Variants in NLRP4 observed in about 807,000 individuals in gnomAD.
NLRP4 encodes the protein NACHT, LRR and PYD domains-containing protein 4.
In NLRP4, 44 loss-of-function variants were observed where a neutral mutation model predicts 84.7. That is an observed-to-expected ratio of 0.52 (90% confidence interval 0.41 to 0.67). The LOEUF is 0.67. Ranked by LOEUF, NLRP4 falls within the 30% of genes least tolerant of loss-of-function variation. The pLI, the probability that NLRP4 is intolerant of heterozygous loss-of-function variation, is 0.00. For missense variants in NLRP4, 1,260 were observed against 1,219.4 expected (o/e 1.03, Z -0.50); for synonymous variants, 544 against 476.4 (o/e 1.14, Z -1.85).
intron 1 of NLRP4, among the ~76,000 whole-genome samples, chr19:55,850,091 G>A (rs1004604788): frequency 1.0e-4 from 15 of 145,408 alleles, no homozygotes; most frequent in Admixed American, 8.8e-4. Context: ...TGTAATTTCC[G>A]TGGCTGCGGT....
At chr19:55,846,344 T>G (rs1019568384) in intron 1 of NLRP4, among the ~76,000 whole-genome samples, 1 of 152,172 alleles carries the variant, frequency 6.6e-6, no homozygotes, top group Non-Finnish European at 1.5e-5. Context: ...ATATGCGGCA[T>G]TATTTCCGAG....
intron 1 of NLRP4, among the ~76,000 whole-genome samples, chr19:55,838,035 C>T (rs1354770747): frequency 1.5e-5 from 2 of 132,658 alleles, no homozygotes; most frequent in African/African-American, 6.1e-5. Context: ...GACTCGGTCT[C>T]AAGCTGGATG....
chr19:55,871,459 T>A (rs1156704025), intron 7 of NLRP4, among the ~76,000 whole-genome samples: 1 of 152,210 alleles, frequency 6.6e-6, no homozygotes, highest in African/African-American at 2.4e-5. Context: ...TAGCATGAGA[T>A]GAGCCAGAAA....
At chr19:55,839,284 TTATC>T (rs1296126326) in intron 1 of NLRP4, among the ~76,000 whole-genome samples, 5 of 151,698 alleles carry the variant, frequency 3.3e-5, no homozygotes, top group African/African-American at 1.2e-4. Flanking sequence ...CCTGTTTTCA[TTATC>T]TAACCTATGC....
In NLRP4 at chr19:55,857,857, G is replaced by A; in HGVS notation, c.464G>A (p.Gly155Glu). ...GKQPRTVIIQGPQGIGKTTLL... is the reference protein window; with the variant it reads ...GKQPRTVIIQEPQGIGKTTLL... The stretch of plus-strand genomic sequence containing the variant: ...CAGCCACGTACAGTGATCATTCAAG[G>A]ACCACAAGGAATTGGAAAAACGACA... The change falls in exon 3 of 10, where the codon GGA becomes GAA. Residue 155 changes from glycine (G) to glutamate (E), a missense_variant. Physicochemically the swap from Gly to Glu is moderately conservative, Grantham distance 98. Transcript: ENST00000301295. 1.9e-6 allele frequency: 3 copies of A among 1,613,970 alleles called. No individual in the cohort carries two copies. Among genetic ancestry groups the A allele is most frequent in the Non-Finnish European group, 2.5e-6 (3 of 1,179,874 alleles).
chr19:55,844,249 C>T (rs1290476311), intron 1 of NLRP4, among the ~76,000 whole-genome samples: 1 of 151,892 alleles, frequency 6.6e-6, no homozygotes, highest in Admixed American at 6.6e-5. Context: ...TATCCTCTTC[C>T]CTCTATTCAT....
intron 2 of NLRP4, chr19:55,857,325 A>G (rs867288140): frequency 1.8e-4 from 49 of 272,746 alleles, no homozygotes; most frequent in African/African-American, 3.0e-4. Context: ...GTAGCAATGA[A>G]TGTGTGTGTG....
chr19:55,867,807 A>G lies in NLRP4; in HGVS notation c.2285A>G (p.Gln762Arg). Reference protein sequence around the residue: ...KLTYLNVSCNQLDTGVPLLCE... With the variant: ...KLTYLNVSCNRLDTGVPLLCE... Reference sequence around the variant, plus strand: ...ACGTATCTGAATGTATCCTGCAACCAGTTAGACACAGGCGTGCCCCTTTTG... The same window carrying G: ...ACGTATCTGAATGTATCCTGCAACCGGTTAGACACAGGCGTGCCCCTTTTG... The change falls in exon 6 of 10, where the codon CAG becomes CGG. Residue 762 changes from glutamine (Q) to arginine (R), a missense_variant. By Grantham distance (43) the Gln-to-Arg change is conservative (BLOSUM62 1). Coordinates refer to ENST00000301295, the MANE Select transcript of NLRP4 (RefSeq NM_134444.5). 6.2e-7 allele frequency: 1 copy of G among 1,614,186 alleles called. No individual in the cohort carries two copies. The highest frequency in any genetic ancestry group is 8.5e-7 in the Non-Finnish European group (1 of 1,180,014).
At chr19:55,839,367 A>G (rs1983519807) in intron 1 of NLRP4, among the ~76,000 whole-genome samples, 1 of 151,916 alleles carries the variant, frequency 6.6e-6, no homozygotes, top group Admixed American at 6.6e-5. Flanking sequence ...TCACACACAC[A>G]TACCCACACA....
Position 55,867,631 on chromosome 19 carries a change from G to A in NLRP4, c.2187-78G>A, listed in dbSNP as rs73935428. The stretch of plus-strand genomic sequence containing the variant: ...CAAGGACAGCAAATGTGGGCTTCCC[G>A]ACTCTGACAGGATTGGCAAGAGGAA... On this transcript the variant is annotated intron_variant, in intron 5 of 9. Transcript: ENST00000301295. The A allele has an allele frequency of 1.5e-3, 2,047 of 1,356,106 alleles. 35 individuals carry two copies. In the African/African-American group the frequency reaches 0.026, roughly 17 times the overall value. The allele number at this position is 1,356,106 out of a possible 1,614,324, so 84.0% of individuals were successfully genotyped here.
intron 1 of NLRP4, among the ~76,000 whole-genome samples, chr19:55,847,023 CAA>C (rs1983824649): frequency 6.6e-6 from 1 of 152,158 alleles, no homozygotes. Context: ...CTCCCAGGTT[CAA>C]GAGATTCTCA....
chr19:55,874,282 C>CA (rs1985290362), intron 7 of NLRP4, among the ~76,000 whole-genome samples: 1 of 152,006 alleles, frequency 6.6e-6, no homozygotes, highest in Non-Finnish European at 1.5e-5. Flanking sequence ...GTAATCAGTA[C>CA]AAAAAATTAC....
chr19:55,855,024 A>G (rs1984356695), intron 2 of NLRP4, among the ~76,000 whole-genome samples: 1 of 152,052 alleles, frequency 6.6e-6, no homozygotes, highest in Non-Finnish European at 1.5e-5. Flanking sequence ...ACACCTGGCC[A>G]CCCAGTCCAA....
chr19:55,852,504 G>C, intron 2 of NLRP4, 144 bp downstream of exon 2: 1 of 569,670 alleles, frequency 1.8e-6, no homozygotes. Flanking sequence ...TTGGTAGACG[G>C]AGTCGCACTT....
chr19:55,857,805 C>T lies in NLRP4; in HGVS notation c.412C>T (p.Leu138Phe). The change falls in exon 3 of 10, where the codon CTT becomes TTT. Residue 138 changes from leucine to phenylalanine, a missense_variant. Coordinates refer to ENST00000301295, the MANE Select transcript of NLRP4 (RefSeq NM_134444.5). The part of the protein sequence containing the change: ...KQEECDHLDR[L>F]FAPKEAGKQP... ...AGAAGAATGTGACCATTTGGACCGC[C>T]TTTTTGCTCCCAAGGAAGCTGGGAA... The T allele has an allele frequency of 6.2e-7, 1 of 1,614,012 alleles. No homozygotes were observed. The highest frequency in any genetic ancestry group is 8.5e-7 in the Non-Finnish European group (1 of 1,179,930).
intron 1 of NLRP4, among the ~76,000 whole-genome samples, chr19:55,837,944 G>A (rs1301806427): frequency 2.0e-5 from 3 of 151,566 alleles, no homozygotes; most frequent in Non-Finnish European, 4.4e-5. Flanking sequence ...GCTGAGGCAG[G>A]AGAATTGCCT....
intron 7 of NLRP4, 77 bp downstream of exon 7, chr19:55,871,074 A>C (rs1049469847): frequency 7.0e-6 from 9 of 1,285,980 alleles, no homozygotes; most frequent in Non-Finnish European, 1.0e-5. Context: ...GGCATCTGGA[A>C]TTGAGGAAGG....
chr19:55,861,851 C>G (rs2123041567), intron 4 of NLRP4, 141 bp from the exon 5 acceptor site: 2 of 701,628 alleles, frequency 2.9e-6, no homozygotes, highest in East Asian at 2.6e-5. Flanking sequence ...CAAAATCTCT[C>G]AAGTTGAGAA....
intron 5 of NLRP4, among the ~76,000 whole-genome samples, chr19:55,867,200 C>T (rs1044834407): frequency 8.8e-5 from 13 of 148,528 alleles, no homozygotes; most frequent in African/African-American, 3.3e-4. Flanking sequence ...CAGTGCATAT[C>T]AGGTTGGCTG....
Sources: gnomAD v4.1 joint callset for allele counts (sites outside exome capture counted in the v4.1 genomes callset) on GRCh38, gnomAD v4.1.1 for gene constraint, MANE v1.5 for transcripts, NCBI Gene and HGNC (gene_info 2026-07-23, HGNC 2026-07-21) for gene names.